The following SUGCT variants were observed in gnomAD, a reference collection of about 807,000 sequenced individuals.
SUGCT encodes the protein succinyl-CoA:glutarate CoA-transferase.
Under a neutral mutation model 55.0 loss-of-function variants are expected in SUGCT, and 41 were observed. That is an observed-to-expected ratio of 0.74 (90% CI 0.58 to 0.97). The LOEUF (loss-of-function observed/expected upper bound fraction) is 0.97, where lower values mean the gene tolerates loss of function less well. Among genes scored for constraint, SUGCT ranks in the 50% least tolerant of loss-of-function variants. The pLI is 0.00. For missense variants in SUGCT, 568 were observed against 547.8 expected (o/e 1.04, Z -0.37); for synonymous variants, 187 against 200.4 (o/e 0.93, Z 0.56).
At chr7:40,761,741 A>G (rs1788542644) in intron 13 of SUGCT, among the ~76,000 whole-genome samples, 1 of 152,224 alleles carries the variant, frequency 6.6e-6, no homozygotes, top group South Asian at 2.1e-4. Flanking sequence ...CACTAGGAAC[A>G]TGTGTCCCTT....
chr7:40,495,263 T>C (rs1163614496), intron 11 of SUGCT, among the ~76,000 whole-genome samples: 1 of 151,608 alleles, frequency 6.6e-6, no homozygotes. Context: ...GAAGTAAATT[T>C]AATACATTTT....
At chr7:40,180,591 G>A (rs1292993181) in intron 1 of SUGCT, among the ~76,000 whole-genome samples, 1 of 151,502 alleles carries the variant, frequency 6.6e-6, no homozygotes, top group African/African-American at 2.4e-5. Context: ...CTGGGTTCAA[G>A]TGATTCTCCT....
chr7:40,350,902 C>G (rs1039461632), intron 9 of SUGCT, among the ~76,000 whole-genome samples: 1 of 150,364 alleles, frequency 6.7e-6, no homozygotes, highest in Non-Finnish European at 1.5e-5. Context: ...TTTTTCTGTT[C>G]TTGTGTTAGT....
intron 9 of SUGCT, among the ~76,000 whole-genome samples, chr7:40,376,449 G>A (rs1210235383): frequency 6.6e-6 from 1 of 151,196 alleles, no homozygotes; most frequent in African/African-American, 2.4e-5. Context: ...GAATGCAGTG[G>A]CACGTGATCT....
In SUGCT at chr7:40,860,429, A is replaced by T. The variant is rs774741300; in HGVS notation, c.1267A>T (p.Ile423Phe). 1 of 1,613,876 alleles carries T rather than the reference A, an allele frequency of 6.2e-7. No homozygotes were observed. Among genetic ancestry groups the T allele is most frequent in the African/African-American group, 1.3e-5 (1 of 74,952 alleles). ...KEVLRYDDRA[I>F]GELLSAGVVD... ...GGTCCTGAGATACGATGACAGGGCCATCGGGGAGCTGCTCAGCGCTGGAGT... is the reference window on the plus strand; with the variant it reads ...GGTCCTGAGATACGATGACAGGGCCTTCGGGGAGCTGCTCAGCGCTGGAGT... The change falls in exon 14 of 14, where the codon ATC (isoleucine) becomes TTC (phenylalanine). Residue 423 changes from isoleucine to phenylalanine, a missense_variant. By Grantham distance (21) the Ile-to-Phe change is conservative (BLOSUM62 0). Coordinates refer to ENST00000335693, the MANE Select transcript of SUGCT (RefSeq NM_001193313.2).
At chr7:40,411,987 A>G (rs955538087) in intron 9 of SUGCT, among the ~76,000 whole-genome samples, 3 of 152,080 alleles carry the variant, frequency 2.0e-5, no homozygotes, top group South Asian at 4.2e-4. Context: ...GAGGCAGGGC[A>G]TTTTTTCCTG....
At chr7:40,437,450 G>A (rs1422488346) in intron 9 of SUGCT, among the ~76,000 whole-genome samples, 1 of 152,158 alleles carries the variant, frequency 6.6e-6, no homozygotes. Context: ...CTTATATTTA[G>A]CAATGAGCTC....
At chr7:40,145,380 A>G (rs1788190342) in intron 1 of SUGCT, among the ~76,000 whole-genome samples, 1 of 152,128 alleles carries the variant, frequency 6.6e-6, no homozygotes, top group Non-Finnish European at 1.5e-5. Flanking sequence ...CGACTTTCAC[A>G]GACAATTCTT....
chr7:40,586,189 G>A (rs1797368749), intron 12 of SUGCT, among the ~76,000 whole-genome samples: 1 of 151,998 alleles, frequency 6.6e-6, no homozygotes, highest in South Asian at 2.1e-4. Context: ...GTTCTATATA[G>A]AATTATATAG....
chr7:40,187,430 T>TATA (rs1295868991), intron 3 of SUGCT, among the ~76,000 whole-genome samples: 3 of 151,634 alleles, frequency 2.0e-5, no homozygotes, highest in East Asian at 3.9e-4. Context: ...AAACTTAAAG[T>TATA]ATAATAATAA....
chr7:40,505,212 A>T (rs1276439564), intron 12 of SUGCT, among the ~76,000 whole-genome samples: 1 of 152,106 alleles, frequency 6.6e-6, no homozygotes, highest in African/African-American at 2.4e-5. Flanking sequence ...TATATTATAC[A>T]TCCTTTTATT....
chr7:40,512,445 C>A (rs1329149045), intron 12 of SUGCT, among the ~76,000 whole-genome samples: 1 of 152,160 alleles, frequency 6.6e-6, no homozygotes, highest in East Asian at 1.9e-4. Context: ...AGATAGAGTG[C>A]TGTGGCTGTG....
intron 9 of SUGCT, among the ~76,000 whole-genome samples, chr7:40,378,134 A>G (rs1275060190): frequency 2.7e-4 from 2 of 7,394 alleles, no homozygotes; most frequent in African/African-American, 4.4e-4. Flanking sequence ...TCCAAAAAAG[A>G]TGGTACATTT....
the SUGCT span, among the ~76,000 whole-genome samples, chr7:41,000,484 G>T: frequency 4.0e-4 from 58 of 143,656 alleles, no homozygotes; most frequent in Admixed American, 2.7e-3. Flanking sequence ...TAACTTAGTT[G>T]TTTTTTTTTT....
chr7:40,335,622 A>T (rs375071421), intron 9 of SUGCT, among the ~76,000 whole-genome samples: 2,985 of 152,288 alleles, frequency 0.02, 55 homozygotes, highest in Admixed American at 0.064. Flanking sequence ...TTGCTGAAGT[A>T]GCTTATCAGC....
intron 9 of SUGCT, among the ~76,000 whole-genome samples, chr7:40,387,185 C>T (rs570992512): frequency 1.3e-5 from 2 of 152,114 alleles, no homozygotes; most frequent in South Asian, 2.1e-4. Context: ...TTGGGTTATT[C>T]GATAGCAATA....
chr7:40,538,127 T>A (rs1272433974), intron 12 of SUGCT: 3 of 151,684 alleles, frequency 2.0e-5, no homozygotes, highest in African/African-American at 7.3e-5. Flanking sequence ...TACCATAAAC[T>A]GTGCTTTAGG....
intron 12 of SUGCT, among the ~76,000 whole-genome samples, chr7:40,525,236 G>C (rs1793736326): frequency 6.6e-6 from 1 of 152,132 alleles, no homozygotes; most frequent in Non-Finnish European, 1.5e-5. Flanking sequence ...GATTTGGAGA[G>C]GGATGAAGAA....
chr7:40,143,736 G>C (rs935616845), intron 1 of SUGCT, among the ~76,000 whole-genome samples: 6 of 152,196 alleles, frequency 3.9e-5, no homozygotes, highest in Non-Finnish European at 7.4e-5. Flanking sequence ...GTTCAGTTGT[G>C]AGAGGTTTTG....
Sources: allele counts gnomAD v4.1 joint callset (sites outside exome capture counted in the v4.1 genomes callset), GRCh38; gene constraint gnomAD v4.1.1; transcripts MANE v1.5; gene names NCBI Gene and HGNC (gene_info 2026-07-23, HGNC 2026-07-21).